Variants in MAG observed in about 807,000 individuals in gnomAD.
MAG encodes the protein myelin-associated glycoprotein.
MAG carries 30 observed loss-of-function variants against 60.7 expected under a neutral mutation model. The ratio of observed to expected loss-of-function variants is 0.49; its 90% CI spans 0.37 to 0.67. The LOEUF (loss-of-function observed/expected upper bound fraction) is 0.67, where lower values mean the gene tolerates loss of function less well. MAG is among the 30% of genes least tolerant of loss of function. The probability of loss-of-function intolerance (pLI) is 0.00; values close to 1 mark genes in which losing one functional copy is unlikely to be tolerated. For missense variants in MAG, 795 were observed against 851.7 expected, an observed-to-expected ratio of 0.93 and a Z score of 0.83; for synonymous variants, 384 against 376.8, an observed-to-expected ratio of 1.02 and a Z score of -0.22.
In MAG at chr19:35,295,868, C is replaced by A. The variant is rs766622405; in HGVS notation, c.302C>A (p.Thr101Asn). The A allele has an allele frequency of 2.5e-6, 4 of 1,614,040 alleles. No homozygotes were observed. The South Asian group carries it at 4.4e-5, about 18-fold the overall frequency. Reference protein sequence around the residue: ...LLGDLGLRNCTLLLSNVSPEL... With the variant: ...LLGDLGLRNCNLLLSNVSPEL... ...GGGGACCTGGGCCTGCGAAACTGCACCCTCCTGCTCAGCAACGTCAGCCCC... is the reference window on the plus strand; with the variant it reads ...GGGGACCTGGGCCTGCGAAACTGCAACCTCCTGCTCAGCAACGTCAGCCCC... The change falls in exon 4 of 11, where the codon ACC becomes AAC. Residue 101 changes from threonine (T) to asparagine (N), a missense_variant. Transcript: ENST00000392213. The surrounding 1 kb of genome is among the most constrained non-coding windows in gnomAD (Gnocchi z 5.8).
In MAG at chr19:35,302,497, G is replaced by A. The variant is rs1238497331; in HGVS notation, c.1020G>A (p.Gly340=). 6 of 1,614,052 alleles carry A rather than the reference G, an allele frequency of 3.7e-6. No individual in the cohort carries two copies. Among genetic ancestry groups the A allele is most frequent in the African/African-American group, 1.3e-5 (1 of 74,918 alleles). ...TVNGTMVAVE[G]ETVSILCSTQ... is the part of the protein sequence containing the mutation. ...ACGGGACAATGGTGGCCGTAGAGGG[G>A]GAGACGGTCTCTATCTTGTGCTCCA... The change falls in exon 7 of 11, where the codon GGG becomes GGA. Residue 340 remains glycine (G), a synonymous_variant. Coordinates refer to ENST00000392213, the MANE Select transcript of MAG (RefSeq NM_002361.4).
At chr19:35,292,789 G>T (rs1022493437) in intron 1 of MAG, among the ~76,000 whole-genome samples, 1 of 151,688 alleles carries the variant, frequency 6.6e-6, no homozygotes, top group African/African-American at 2.4e-5. Flanking sequence ...TTAAGAGACG[G>T]GACTCTCACT....
At chr19:35,296,085 C>A in intron 4 of MAG, 104 bp downstream of exon 4, 2 of 1,455,918 alleles carry the variant, frequency 1.4e-6, no homozygotes, top group Non-Finnish European at 1.8e-6. Context: ...GCCTGGATGG[C>A]AGATCTGGGA....
At position 35,308,219 on chromosome 19, in the gene MAG, T is replaced by C. The variant is rs185467294; in HGVS notation, c.1232-1655T>C. Among the ~76,000 whole-genome samples, 695 of 152,178 alleles carry C rather than the reference T, an allele frequency of 4.6e-3. 5 individuals carry two copies. The highest frequency in any genetic ancestry group is 0.015 in the African/African-American group (626 of 41,522). ...GGTGGTCAGAGAAGGAGACGCCGCA[T>C]GGGTAGAGGCCAGTTTGGAGCGAGG... On this transcript the variant is annotated intron_variant, in intron 7 of 10. Coordinates refer to ENST00000392213, the MANE Select transcript of MAG (RefSeq NM_002361.4).
In MAG at chr19:35,313,294, A is replaced by G. The variant is rs1325276801; in HGVS notation, c.1721A>G (p.Glu574Gly). ...ATGGGCGGTTTCCCCTCTTAGAGCG[A>G]GAGGCGCCTGGGATCTGAGAGGAGG... ...ISGAPEKYESERRLGSERRLL... is the reference protein window; with the variant it reads ...ISGAPEKYESGRRLGSERRLL... Residue 574 changes from glutamate (E) to glycine (G), a missense_variant, in exon 11 of 11, where the codon GAG becomes GGG. Glu to Gly is a moderately conservative substitution (Grantham distance 98). Coordinates refer to ENST00000392213, the MANE Select transcript of MAG (RefSeq NM_002361.4). The G allele has an allele frequency of 6.2e-7, 1 of 1,613,208 alleles. No individual in the cohort carries two copies. The highest frequency in any genetic ancestry group is 8.5e-7 in the Non-Finnish European group (1 of 1,179,620).
At chr19:35,309,792 C>A in intron 7 of MAG, 82 bp from the exon 8 acceptor site, 1 of 1,487,856 alleles carries the variant, frequency 6.7e-7, no homozygotes, top group Non-Finnish European at 9.1e-7. Flanking sequence ...GCCACACTGG[C>A]CTTGCCTTGA....
At position 35,294,256 on chromosome 19, in the gene MAG, G is replaced by T. The variant is rs200685546; in HGVS notation, c.-58G>T. 5 of 436,130 alleles carry T rather than the reference G, an allele frequency of 1.1e-5. No individual in the cohort carries two copies. The highest frequency in any genetic ancestry group is 2.3e-5 in the Non-Finnish European group (5 of 218,560). 27.0% of individuals were successfully genotyped at this position (436,130 alleles called of 1,614,324 possible). ...GCAGGTTGTCTGGCGGCTTCAGGTGGACCCAGAAGACGTCCCCAACTCAGG... is the reference window on the plus strand; with the variant it reads ...GCAGGTTGTCTGGCGGCTTCAGGTGTACCCAGAAGACGTCCCCAACTCAGG... On this transcript the variant is annotated 5_prime_UTR_variant, in exon 2 of 11. Transcript: ENST00000392213.
intron 9 of MAG, 77 bp from the exon 10 acceptor site, chr19:35,311,841 C>A: frequency 9.7e-7 from 1 of 1,026,816 alleles, no homozygotes; most frequent in Non-Finnish European, 1.5e-6. Context: ...TCTGAGGTCC[C>A]CTGAGCCAAA....
Position 35,300,277 on chromosome 19 carries a change from G to A in MAG, c.843G>A (p.Arg281=). 6.3e-7 allele frequency: 1 copy of A among 1,599,274 alleles called. No homozygotes were observed. Among genetic ancestry groups the A allele is most frequent in the Non-Finnish European group, 8.5e-7 (1 of 1,178,636 alleles). ...GGATGCGGGACGGGACAGTCCTCCGGGAGGCGGTGGCCGAGAGCCTGCTCC... is the reference window on the plus strand; with the variant it reads ...GGATGCGGGACGGGACAGTCCTCCGAGAGGCGGTGGCCGAGAGCCTGCTCC... ...LTWMRDGTVL[R]EAVAESLLLE... The change falls in exon 6 of 11, where the codon CGG becomes CGA. Residue 281 remains arginine, a synonymous_variant. Transcript: ENST00000392213.
At chr19:35,309,709 G>C in intron 7 of MAG, 165 bp from the exon 8 acceptor site, 1 of 750,308 alleles carries the variant, frequency 1.3e-6, no homozygotes, top group Non-Finnish European at 2.2e-6. Context: ...AGGTCAAGGC[G>C]CTCTCAGTCA....
rs772169713 is a variant in MAG, at chr19:35,302,689, C to T, written c.1212C>T (p.Ala404=). 1.2e-6 allele frequency: 2 copies of T among 1,613,846 alleles called. No homozygotes were observed. Among genetic ancestry groups the T allele is most frequent in the East Asian group, 2.2e-5 (1 of 44,868 alleles). The change falls in exon 7 of 11, where the codon GCC becomes GCT. Residue 404 remains alanine (A), a synonymous_variant. Coordinates refer to ENST00000392213, the MANE Select transcript of MAG (RefSeq NM_002361.4). ...AENQYGQRAT[A]FNLSVEFAPV... The stretch of plus-strand genomic sequence containing the variant: ...ACCAGTATGGCCAGAGGGCCACCGC[C>T]TTCAACCTGTCTGTGGAGTGTGAGT...
chr19:35,313,609 C>G lies in MAG; in HGVS notation c.*155C>G, dbSNP rs2066545888. 4.5e-6 allele frequency: 3 copies of G among 672,198 alleles called. No homozygotes were observed. The highest frequency in any genetic ancestry group is 7.3e-6 in the Non-Finnish European group (3 of 408,436). 41.6% of individuals were successfully genotyped at this position (672,198 alleles called of 1,614,324 possible). A position where few individuals can be genotyped will look rare whatever the true frequency, so the allele number is the denominator to read the frequency against. ...GGTCCTGGGGGCCTGACCTCCCCCTCCTTCCCAGCTGCCCCTCCCTGCCAG... is the reference window on the plus strand; with the variant it reads ...GGTCCTGGGGGCCTGACCTCCCCCTGCTTCCCAGCTGCCCCTCCCTGCCAG... On this transcript the variant is annotated 3_prime_UTR_variant, in exon 11 of 11. Coordinates refer to ENST00000392213, the MANE Select transcript of MAG (RefSeq NM_002361.4).
At position 35,295,459 on chromosome 19, in the gene MAG, C is replaced by T. The variant is rs200192210; in HGVS notation, c.46+5C>T. The T allele has an allele frequency of 7.1e-5, 115 of 1,613,932 alleles. 1 individual carries two copies. Among genetic ancestry groups the T allele is most frequent in the South Asian group, 3.7e-4 (34 of 91,086 alleles). On this transcript the variant is annotated splice_donor_5th_base_variant and intron_variant, in intron 3 of 10. Transcript: ENST00000392213. This position sits in a 1 kb window ranked among gnomAD's most constrained non-coding sequence, Gnocchi z 5.8. ...TGTTCTGGATTATGATTTCAGGTAA[C>T]GGCTGACAGGTGCTGGGGACCTAAA...
intron 7 of MAG, among the ~76,000 whole-genome samples, chr19:35,308,547 C>T (rs1036870943): frequency 6.6e-6 from 1 of 152,026 alleles, no homozygotes; most frequent in African/African-American, 2.4e-5. Context: ...GCATGGGGAA[C>T]ATAGCAAGAC....
chr19:35,292,762 T>C (rs1274266891), intron 1 of MAG, among the ~76,000 whole-genome samples: 2 of 151,864 alleles, frequency 1.3e-5, no homozygotes, highest in African/African-American at 2.4e-5. Context: ...TTTTTATTTT[T>C]CGTTACTTTT....
At chr19:35,311,295 C>T (rs979496574) in intron 9 of MAG, among the ~76,000 whole-genome samples, 1 of 151,964 alleles carries the variant, frequency 6.6e-6, no homozygotes, top group Non-Finnish European at 1.5e-5. Flanking sequence ...TAGGGAGACC[C>T]CATCTACAAA....
chr19:35,295,311 G>T lies in MAG; in HGVS notation c.-23-75G>T. The T allele has an allele frequency of 8.6e-7, 1 of 1,156,138 alleles. No homozygotes were observed. The highest frequency in any genetic ancestry group is 1.3e-5 in the South Asian group (1 of 76,630). 71.6% of individuals were successfully genotyped at this position (1,156,138 alleles called of 1,614,324 possible). A position where few individuals can be genotyped will look rare whatever the true frequency, so the allele number is the denominator to read the frequency against. ...GCAGCAGCAGCTAACATATGAATGGGCCCCTTCCTGAAGCCCAGATGGAAC... is the reference window on the plus strand; with the variant it reads ...GCAGCAGCAGCTAACATATGAATGGTCCCCTTCCTGAAGCCCAGATGGAAC... On this transcript the variant is annotated intron_variant, in intron 2 of 10. Coordinates refer to ENST00000392213, the MANE Select transcript of MAG (RefSeq NM_002361.4). The surrounding 1 kb of genome is among the most constrained non-coding windows in gnomAD (Gnocchi z 5.8).
At chr19:35,296,886 T>C (rs1175775093) in intron 4 of MAG, among the ~76,000 whole-genome samples, 1 of 143,752 alleles carries the variant, frequency 7.0e-6, no homozygotes, top group Non-Finnish European at 1.5e-5. Context: ...ACCTACACAC[T>C]GCCCACACAC....
chr19:35,307,067 C>T (rs1447438394), intron 7 of MAG, among the ~76,000 whole-genome samples: 1 of 152,258 alleles, frequency 6.6e-6, no homozygotes, highest in African/African-American at 2.4e-5. Context: ...CCAGGTCGAA[C>T]ACTTTGTCAC....
Sources: gnomAD v4.1 joint callset for allele counts (sites outside exome capture counted in the v4.1 genomes callset) on GRCh38, gnomAD v4.1.1 for gene constraint, Gnocchi (gnomAD v3.1) non-coding constraint, MANE v1.5 for transcripts, NCBI Gene and HGNC (gene_info 2026-07-23, HGNC 2026-07-21) for gene names.